ERLIN1: variants seen among roughly 807,000 people sequenced by gnomAD.
ERLIN1 encodes the protein ER lipid raft associated 1, also known as erlin-1.
In ERLIN1, 24 loss-of-function variants were observed where a neutral mutation model predicts 46.9. That is an observed-to-expected ratio of 0.51 (90% CI 0.37 to 0.72). The LOEUF is 0.72. ERLIN1 is among the 30% of genes least tolerant of loss of function. The pLI is 0.00. For synonymous variants in ERLIN1, 158 were observed against 143.2 expected (o/e 1.10, Z -0.74); for missense variants, 293 against 417.9 (o/e 0.70, Z 2.61).
chr10:100,172,430 CAT>C (rs1276011881), intron 6 of ERLIN1, among the ~76,000 whole-genome samples: 4 of 152,114 alleles, frequency 2.6e-5, no homozygotes, highest in Non-Finnish European at 5.9e-5. Context: ...TTTTCTACAA[CAT>C]AAATAACGTG....
At chr10:100,154,976 C>T in intron 9 of ERLIN1, 37 bp from the exon 10 acceptor site, 26 of 1,547,136 alleles carry the variant, frequency 1.7e-5, no homozygotes, top group Non-Finnish European at 2.3e-5. Flanking sequence ...CAATCCATTC[C>T]CTCAGCTAGT....
intron 7 of ERLIN1, among the ~76,000 whole-genome samples, chr10:100,165,385 C>CTTTT (rs35096142): frequency 5.4e-5 from 7 of 130,550 alleles, no homozygotes; most frequent in Non-Finnish European, 6.5e-5. Flanking sequence ...CAGAAGCAAT[C>CTTTT]TTTTTTTTTT....
Position 100,175,938 on chromosome 10 carries a change from CACTT to C in ERLIN1, c.430+3_430+6del, listed in dbSNP as rs2134163259. 2 of 1,611,386 alleles carry C rather than the reference CACTT, an allele frequency of 1.2e-6. No homozygotes were observed. Among genetic ancestry groups the C allele is most frequent in the Non-Finnish European group, 1.7e-6 (2 of 1,178,552 alleles). On this transcript the variant is annotated splice_donor_5th_base_variant and intron_variant, in intron 5 of 10. Coordinates refer to ENST00000421367, the MANE Select transcript of ERLIN1 (RefSeq NM_006459.4). ...CTATTTACATACATAAGAATTAAGACACTTACCAAACAATTCAATGTAAACTTCC... is the reference window on the plus strand; with the variant it reads ...CTATTTACATACATAAGAATTAAGACACCAAACAATTCAATGTAAACTTCC...
rs1842729255 is a variant in ERLIN1, at chr10:100,150,108, T to C, written c.*2023A>G. The C allele has an allele frequency of 1.3e-5, 2 of 152,108 alleles. No individual in the cohort carries two copies. The highest frequency in any genetic ancestry group is 4.8e-5 in the African/African-American group (2 of 41,408). 9.4% of individuals were successfully genotyped at this position (152,108 alleles called of 1,614,324 possible). ...ACACAAATCACTGATAGTAAAATAA[T>C]TTTATTTAGTTTCTTATTTTAAAAA... is the stretch of plus-strand genomic sequence containing the variant. On this transcript the variant is annotated 3_prime_UTR_variant, in exon 11 of 11. Transcript: ENST00000421367.
intron 4 of ERLIN1, among the ~76,000 whole-genome samples, chr10:100,176,501 G>A (rs532701021): frequency 1.6e-4 from 24 of 152,346 alleles, no homozygotes; most frequent in African/African-American, 5.5e-4. Flanking sequence ...GAGGTAAAGA[G>A]AGACTAGGCA....
chr10:100,161,985 A>C (rs983082397), intron 8 of ERLIN1, among the ~76,000 whole-genome samples: 1 of 152,192 alleles, frequency 6.6e-6, no homozygotes, highest in African/African-American at 2.4e-5. Flanking sequence ...TAAAAGTCTT[A>C]CTTTGGACTA....
At chr10:100,160,471 A>G (rs910882967) in intron 8 of ERLIN1, among the ~76,000 whole-genome samples, 4 of 152,208 alleles carry the variant, frequency 2.6e-5, no homozygotes, top group African/African-American at 9.6e-5. Context: ...GAAAATTATA[A>G]GCTGATCTCA....
intron 6 of ERLIN1, among the ~76,000 whole-genome samples, chr10:100,168,564 A>AT (rs1161399327): frequency 6.6e-6 from 1 of 152,226 alleles, no homozygotes; most frequent in African/African-American, 2.4e-5. Context: ...ACTAGCAGAC[A>AT]TAAGATTACT....
chr10:100,178,002 C>A, intron 4 of ERLIN1, 131 bp downstream of exon 4: 1 of 652,380 alleles, frequency 1.5e-6, no homozygotes, highest in Non-Finnish European at 2.6e-6. Flanking sequence ...CCTCTATTCC[C>A]CAGAAATTTA....
In ERLIN1 at chr10:100,185,558, G is replaced by A; in HGVS notation, c.69C>T (p.Ala23=). 1.2e-6 allele frequency: 2 copies of A among 1,614,040 alleles called. No homozygotes were observed. Among genetic ancestry groups the A allele is most frequent in the Non-Finnish European group, 1.7e-6 (2 of 1,179,886 alleles). ...GGCCCTCCTCAATCTTGTGGATGGAGGCGTAGAGCAGGACAGCCACCAACC... is the reference window on the plus strand; with the variant it reads ...GGCCCTCCTCAATCTTGTGGATGGAAGCGTAGAGCAGGACAGCCACCAACC... ...VVGLVAVLLY[A]SIHKIEEGHL... The change falls in exon 1 of 11, where the codon GCC becomes GCT. Residue 23 remains alanine (A), a synonymous_variant. Coordinates refer to ENST00000421367, the MANE Select transcript of ERLIN1 (RefSeq NM_006459.4).
Position 100,185,550 on chromosome 10 carries a change from T to C in ERLIN1, c.77A>G (p.His26Arg). The C allele has an allele frequency of 6.2e-7, 1 of 1,613,888 alleles. No homozygotes were observed. The highest frequency in any genetic ancestry group is 8.5e-7 in the Non-Finnish European group (1 of 1,179,762). Residue 26 changes from histidine (H) to arginine (R), a missense_variant, in exon 1 of 11, where the codon CAC becomes CGC. Physicochemically the swap from His to Arg is conservative, Grantham distance 29. This residue lies in a region of ERLIN1 where 76 missense variants were observed against 77.0 expected (regional missense o/e 0.99). Transcript: ENST00000421367. ...AGCCAGATGGCCCTCCTCAATCTTGTGGATGGAGGCGTAGAGCAGGACAGC... is the reference window on the plus strand; with the variant it reads ...AGCCAGATGGCCCTCCTCAATCTTGCGGATGGAGGCGTAGAGCAGGACAGC... ...LVAVLLYASI[H>R]KIEEGHLAVY...
At chr10:100,179,058 C>T (rs1844480151) in intron 3 of ERLIN1, 143 bp downstream of exon 3, 2 of 598,948 alleles carry the variant, frequency 3.3e-6, no homozygotes, top group African/African-American at 3.8e-5. Flanking sequence ...TGGAGATAGG[C>T]CTTTGCTCAA....
At chr10:100,159,010 G>A (rs61203979) in intron 8 of ERLIN1, among the ~76,000 whole-genome samples, 1 of 152,006 alleles carries the variant, frequency 6.6e-6, no homozygotes, top group African/African-American at 2.4e-5. Context: ...TCTCACATTG[G>A]ATAAGATTAC....
In ERLIN1 at chr10:100,161,655, A is replaced by G. The variant is rs954093319; in HGVS notation, c.655+2349T>C. Among the ~76,000 whole-genome samples, 13 of 152,300 alleles carry G rather than the reference A, an allele frequency of 8.5e-5. No homozygotes were observed. The East Asian group carries it at 2.3e-3, about 27-fold the overall frequency. ...AACAGGTAAGAGAAATAGTTACACA[A>G]CTCACTCTCCACATCGCAAGACTTA... On this transcript the variant is annotated intron_variant, in intron 8 of 10. Coordinates refer to ENST00000421367, the MANE Select transcript of ERLIN1 (RefSeq NM_006459.4).
intron 5 of ERLIN1, among the ~76,000 whole-genome samples, chr10:100,175,115 T>C (rs1376713964): frequency 6.6e-6 from 1 of 152,190 alleles, no homozygotes; most frequent in Non-Finnish European, 1.5e-5. Context: ...GGTCAGAACT[T>C]CCACTATCAT....
intron 2 of ERLIN1, among the ~76,000 whole-genome samples, chr10:100,181,033 G>A (rs1304046502): frequency 2.0e-5 from 3 of 152,188 alleles, no homozygotes; most frequent in Non-Finnish European, 4.4e-5. Context: ...ATTGGTGGCA[G>A]TTCTAGGTTA....
intron 8 of ERLIN1, among the ~76,000 whole-genome samples, chr10:100,158,863 A>G (rs1459274129): frequency 6.6e-6 from 1 of 152,194 alleles, no homozygotes; most frequent in African/African-American, 2.4e-5. Context: ...TCAATTCAAT[A>G]CCAATCAGAA....
chr10:100,174,384 C>G (rs1166789847), intron 5 of ERLIN1, 103 bp from the exon 6 acceptor site: 1 of 819,178 alleles, frequency 1.2e-6, no homozygotes. Context: ...AAAGTTTCCA[C>G]AGTACTATTC....
chr10:100,160,090 TGA>T (rs933910384), intron 8 of ERLIN1, among the ~76,000 whole-genome samples: 4 of 152,038 alleles, frequency 2.6e-5, no homozygotes, highest in African/African-American at 9.7e-5. Context: ...TTAAAAATCA[TGA>T]GAGAATTCTA....
Sources: gnomAD v4.1 joint callset for allele counts (sites outside exome capture counted in the v4.1 genomes callset) on GRCh38, gnomAD v4.1.1 for gene constraint, gnomAD v4.1.1 regional missense constraint, MANE v1.5 for transcripts, NCBI Gene and HGNC (gene_info 2026-07-23, HGNC 2026-07-21) for gene names.